ARL5B: variants seen among roughly 807,000 people sequenced by gnomAD.
The protein encoded by ARL5B is ADP-ribosylation factor-like protein 5B.
In ARL5B, 10 loss-of-function variants were observed where a neutral mutation model predicts 26.9. That is an observed-to-expected ratio of 0.37 (90% CI 0.23 to 0.63). The LOEUF (loss-of-function observed/expected upper bound fraction) is 0.63. ARL5B is among the 30% of genes least tolerant of loss of function. The pLI, the probability that ARL5B is intolerant of heterozygous loss-of-function variation, is 0.62. For synonymous variants in ARL5B, 87 were observed against 70.4 expected (o/e 1.24, Z -1.18); for missense variants, 167 against 213.9 (o/e 0.78, Z 1.37).
At chr10:18,670,916 T>G (rs916230317) in intron 3 of ARL5B, among the ~76,000 whole-genome samples, 2 of 152,184 alleles carry the variant, frequency 1.3e-5, no homozygotes, top group Non-Finnish European at 1.5e-5. Context: ...ATATCAAAAT[T>G]ACTACAAAGA....
intron 1 of ARL5B, among the ~76,000 whole-genome samples, chr10:18,665,833 T>G (rs916405783): frequency 3.3e-5 from 5 of 152,200 alleles, no homozygotes; most frequent in Non-Finnish European, 5.9e-5. Flanking sequence ...TTTTCTGTAT[T>G]CAAAGGACAT....
chr10:18,662,864 G>A (rs758102580), intron 1 of ARL5B, among the ~76,000 whole-genome samples: 20 of 150,480 alleles, frequency 1.3e-4, no homozygotes, highest in South Asian at 4.2e-4. Flanking sequence ...CCACCACTCC[G>A]GCTAATTTTT....
chr10:18,668,715 C>T, intron 3 of ARL5B, 38 bp downstream of exon 3: 1 of 1,600,828 alleles, frequency 6.2e-7, no homozygotes, highest in Non-Finnish European at 8.5e-7. Flanking sequence ...ATCCAAAGGT[C>T]CCTAGAGTAA....
In ARL5B at chr10:18,673,979, T is replaced by C; in HGVS notation, c.340-5T>C. On this transcript the variant is annotated splice_polypyrimidine_tract_variant and splice_region_variant and intron_variant, in intron 4 of 5. Coordinates refer to ENST00000377275, the MANE Select transcript of ARL5B (RefSeq NM_178815.5). Reference sequence around the variant, plus strand: ...CATATTAGAAATATTTTGTCTTGATTGCAGGATTTACGGAAGGCTGCAGTC... The same window carrying C: ...CATATTAGAAATATTTTGTCTTGATCGCAGGATTTACGGAAGGCTGCAGTC... 6.3e-7 allele frequency: 1 copy of C among 1,592,786 alleles called. No individual in the cohort carries two copies. Among genetic ancestry groups the C allele is most frequent in the Non-Finnish European group, 8.5e-7 (1 of 1,170,690 alleles).
intron 2 of ARL5B, among the ~76,000 whole-genome samples, 159 bp from the exon 3 acceptor site, chr10:18,668,371 G>A (rs1268859928): frequency 6.6e-6 from 1 of 151,690 alleles, no homozygotes; most frequent in Non-Finnish European, 1.5e-5. Flanking sequence ...TTGTTATCTA[G>A]ATATTGATTT....
rs759726684 is a variant in ARL5B, at chr10:18,674,094, T to A, written c.450T>A (p.His150Gln). The change falls in exon 5 of 6, where the codon CAT becomes CAA. Residue 150 changes from histidine (H) to glutamine (Q), a missense_variant. Coordinates refer to ENST00000377275, the MANE Select transcript of ARL5B (RefSeq NM_178815.5). ...KYLTLSSIKD[H>Q]PWHIQSCCAL... ...TCACCCTTAGTTCAATTAAGGATCA[T>A]CCATGGCACATTCAATCCTGCTGTG... 2 of 1,612,824 alleles carry A rather than the reference T, an allele frequency of 1.2e-6. No homozygotes were observed. Among genetic ancestry groups the A allele is most frequent in the Non-Finnish European group, 1.7e-6 (2 of 1,179,366 alleles).
intron 1 of ARL5B, 65 bp downstream of exon 1, chr10:18,659,748 C>T: frequency 6.3e-7 from 1 of 1,588,530 alleles, no homozygotes; most frequent in South Asian, 1.1e-5. Flanking sequence ...CCGATGGGGA[C>T]ACCGGAGACA....
chr10:18,667,728 AAC>A (rs142643032), intron 2 of ARL5B, among the ~76,000 whole-genome samples: 34 of 149,764 alleles, frequency 2.3e-4, no homozygotes, highest in South Asian at 6.4e-4. Context: ...CACACACACA[AAC>A]ACACACACAC....
rs1018681508 is a variant in ARL5B at position 18,681,626 on chromosome 10, T to A, written c.*6410T>A. 4 of 152,308 alleles carry A rather than the reference T, an allele frequency of 2.6e-5. No homozygotes were observed. The highest frequency in any genetic ancestry group is 1.3e-4 in the Admixed American group (2 of 15,300). The allele number at this position is 152,308 out of a possible 1,614,324, so 9.4% of individuals were successfully genotyped here. ...GTTTTATTTTTGTCATAATAAATAA[T>A]TACTTTTCCAATACGAAGTGAATCC... is the stretch of plus-strand genomic sequence containing the variant. On this transcript the variant is annotated 3_prime_UTR_variant, in exon 6 of 6. Transcript: ENST00000377275.
In ARL5B at chr10:18,678,644, A is replaced by G. The variant is rs2059920216; in HGVS notation, c.*3428A>G. 1 of 151,838 alleles carries G rather than the reference A, an allele frequency of 6.6e-6. No individual in the cohort carries two copies. The highest frequency in any genetic ancestry group is 2.4e-5 in the African/African-American group (1 of 41,416). The allele number at this position is 151,838 out of a possible 1,614,324, so 9.4% of individuals were successfully genotyped here. ...CTAAAGATGGATAAATTTCTTTGGAATTTATCTTTGGAGACCAACTTTATG... is the reference window on the plus strand; with the variant it reads ...CTAAAGATGGATAAATTTCTTTGGAGTTTATCTTTGGAGACCAACTTTATG... On this transcript the variant is annotated 3_prime_UTR_variant, in exon 6 of 6. Transcript: ENST00000377275.
chr10:18,666,487 A>G, intron 1 of ARL5B, 88 bp from the exon 2 acceptor site: 1 of 1,069,682 alleles, frequency 9.3e-7, no homozygotes, highest in East Asian at 2.6e-5. Flanking sequence ...GATTCTCATT[A>G]ATGAGCTAAC....
At chr10:18,660,325 A>G (rs1156788302) in intron 1 of ARL5B, among the ~76,000 whole-genome samples, 1 of 152,192 alleles carries the variant, frequency 6.6e-6, no homozygotes, top group African/African-American at 2.4e-5. Flanking sequence ...GACACCTGGA[A>G]GTGGCAGGTC....
chr10:18,659,904 C>T, intron 1 of ARL5B: 2 of 985,310 alleles, frequency 2.0e-6, no homozygotes, highest in Non-Finnish European at 2.4e-6. Flanking sequence ...TATTTGGCGT[C>T]CCAGAATCCA....
At chr10:18,673,626 A>G (rs2059897826) in intron 4 of ARL5B, among the ~76,000 whole-genome samples, 1 of 152,176 alleles carries the variant, frequency 6.6e-6, no homozygotes, top group Non-Finnish European at 1.5e-5. Context: ...CTAGTAAGTA[A>G]TAAGTATTGC....
rs2059911525 is a variant in ARL5B, at chr10:18,676,606, G to T, written c.*1390G>T. On this transcript the variant is annotated 3_prime_UTR_variant, in exon 6 of 6. Transcript: ENST00000377275. ...TTTGCTGAAATGAAAGGGATAAAAT[G>T]AATACTTAGAGAATAATACTTCATT... 6.6e-6 allele frequency: 1 copy of T among 151,934 alleles called. No individual in the cohort carries two copies. The highest frequency in any genetic ancestry group is 2.4e-5 in the African/African-American group (1 of 41,408). The allele number at this position is 151,934 out of a possible 1,614,324, so 9.4% of individuals were successfully genotyped here.
chr10:18,675,181 C>G lies in ARL5B; in HGVS notation c.505C>G (p.Leu169Val), dbSNP rs2131647929. 1 of 1,613,432 alleles carries G rather than the reference C, an allele frequency of 6.2e-7. No individual in the cohort carries two copies. Among genetic ancestry groups the G allele is most frequent in the African/African-American group, 1.3e-5 (1 of 75,030 alleles). The change falls in exon 6 of 6, where the codon CTA becomes GTA. Residue 169 changes from leucine to valine, a missense_variant. By Grantham distance (32) the Leu-to-Val change is conservative. Transcript: ENST00000377275. ...TCTTTTGTTTAGGTTATGCCAAGGT[C>G]TAGAGTGGATGACCTCCCGGATTGG... Reference protein sequence around the residue: ...ALTGEGLCQGLEWMTSRIGVR With the variant: ...ALTGEGLCQGVEWMTSRIGVR
intron 2 of ARL5B, among the ~76,000 whole-genome samples, chr10:18,667,641 A>G (rs2059867318): frequency 6.6e-6 from 1 of 152,208 alleles, no homozygotes; most frequent in Non-Finnish European, 1.5e-5. Flanking sequence ...TAATTGATTA[A>G]TGTAGCTTTA....
At position 18,659,611 on chromosome 10, in the gene ARL5B, ACCCCGCGGCCCG is replaced by A. The variant is rs1564861223; in HGVS notation, c.-21_-10del. On this transcript the variant is annotated 5_prime_UTR_variant, in exon 1 of 6. Transcript: ENST00000377275. ...GCGCAGCGGCACCTGCTGCCGAGGG[ACCCCGCGGCCCG>A]CCCCGGTGCTCGTGATGGGGCTGAT... The A allele has an allele frequency of 6.2e-7, 1 of 1,603,846 alleles. No individual in the cohort carries two copies. The highest frequency in any genetic ancestry group is 1.7e-5 in the Admixed American group (1 of 59,082).
rs930835184 is a variant in ARL5B at position 18,680,970 on chromosome 10, T to C, written c.*5754T>C. 6 of 151,656 alleles carry C rather than the reference T, an allele frequency of 4.0e-5. No homozygotes were observed. The highest frequency in any genetic ancestry group is 2.1e-4 in the South Asian group (1 of 4,836). The allele number at this position is 151,656 out of a possible 1,614,324, so 9.4% of individuals were successfully genotyped here. ...TTCTTGCCTCAGAATGCAAAACAAC[T>C]TTAAAGTGTCTATATTCATATATAT... On this transcript the variant is annotated 3_prime_UTR_variant, in exon 6 of 6. Transcript: ENST00000377275.
Sources: allele counts gnomAD v4.1 joint callset (sites outside exome capture counted in the v4.1 genomes callset), GRCh38; gene constraint gnomAD v4.1.1; transcripts MANE v1.5; gene names NCBI Gene and HGNC (gene_info 2026-07-23, HGNC 2026-07-21).